ATP6V0A4: variants seen among roughly 807,000 people sequenced by gnomAD.
The protein encoded by ATP6V0A4 is V-type proton ATPase 116 kDa subunit a 4.
ATP6V0A4 carries 86 observed loss-of-function variants against 107.3 expected under a neutral mutation model. The observed-to-expected ratio is 0.80, with a 90% CI of 0.67 to 0.96. The LOEUF (loss-of-function observed/expected upper bound fraction) is 0.96, where lower values mean the gene tolerates loss of function less well. Ranked by LOEUF, ATP6V0A4 falls within the 40% of genes least tolerant of loss-of-function variation. The probability of loss-of-function intolerance (pLI) is 0.00; values close to 1 mark genes in which losing one functional copy is unlikely to be tolerated. For missense variants in ATP6V0A4, 908 were observed against 1,045.6 expected (o/e 0.87, Z 1.81); for synonymous variants, 353 against 381.4 (o/e 0.93, Z 0.87).
At chr7:138,727,713 T>C (rs1804789481) in intron 18 of ATP6V0A4, among the ~76,000 whole-genome samples, 1 of 152,300 alleles carries the variant, frequency 6.6e-6, no homozygotes, top group East Asian at 1.9e-4. Flanking sequence ...ATTTAAAACA[T>C]ACACGGTCTC....
Position 138,777,627 on chromosome 7 carries a change from A to AT in ATP6V0A4, c.-17-6364_-17-6363insA, listed in dbSNP as rs1403926650. Among the ~76,000 whole-genome samples, 57 of 140,426 alleles carry AT rather than the reference A, an allele frequency of 4.1e-4. 1 individual carries two copies. Among genetic ancestry groups the AT allele is most frequent in the African/African-American group, 1.7e-3 (56 of 32,228 alleles). 92.1% of individuals were successfully genotyped at this position (140,426 alleles called of 152,430 possible). A position where few individuals can be genotyped will look rare whatever the true frequency, so the allele number is the denominator to read the frequency against. ...GGAAACTCCGTCTCAAAAAAAAAAAAAAAAATACACACACACACACACACA... is the reference window on the plus strand; with the variant it reads ...GGAAACTCCGTCTCAAAAAAAAAAAATAAAAATACACACACACACACACACA... On this transcript the variant is annotated intron_variant, in intron 2 of 21. Transcript: ENST00000310018.
intron 1 of ATP6V0A4, among the ~76,000 whole-genome samples, chr7:138,791,297 C>T (rs970564939): frequency 6.6e-6 from 1 of 151,952 alleles, no homozygotes; most frequent in Non-Finnish European, 1.5e-5. Flanking sequence ...CAGAGTAAAA[C>T]ACAGGAAAAC....
At chr7:138,712,866 C>G (rs932340098) in intron 20 of ATP6V0A4, among the ~76,000 whole-genome samples, 5 of 152,156 alleles carry the variant, frequency 3.3e-5, no homozygotes, top group Admixed American at 3.3e-4. Flanking sequence ...CCTCCAACTA[C>G]TGCTGGGGTT....
chr7:138,734,608 C>G (rs1420563008), intron 15 of ATP6V0A4, among the ~76,000 whole-genome samples: 3 of 151,758 alleles, frequency 2.0e-5, no homozygotes, highest in African/African-American at 7.3e-5. Context: ...GAAACCCTGT[C>G]TCTACACCAA....
chr7:138,752,747 T>C lies in ATP6V0A4; in HGVS notation c.907A>G (p.Lys303Glu). The C allele has an allele frequency of 1.2e-6, 2 of 1,614,194 alleles. No individual in the cohort carries two copies. Among genetic ancestry groups the C allele is most frequent in the Non-Finnish European group, 1.7e-6 (2 of 1,180,024 alleles). ...ATGTTCAGGATGTGGTAGACAGCTTTCATCTTCTGCACCTTGATGAGCCAG... is the reference window on the plus strand; with the variant it reads ...ATGTTCAGGATGTGGTAGACAGCTTCCATCTTCTGCACCTTGATGAGCCAG... Reference protein sequence around the residue: ...HSWLIKVQKMKAVYHILNMCN... With the variant: ...HSWLIKVQKMEAVYHILNMCN... The change falls in exon 11 of 22, where the codon AAA (lysine) becomes GAA (glutamate). Residue 303 changes from lysine (K) to glutamate (E), a missense_variant. Lys to Glu is a moderately conservative substitution (Grantham distance 56). Coordinates refer to ENST00000310018, the MANE Select transcript of ATP6V0A4 (RefSeq NM_020632.3).
At chr7:138,782,947 T>C (rs1458732137) in intron 2 of ATP6V0A4, among the ~76,000 whole-genome samples, 1 of 152,098 alleles carries the variant, frequency 6.6e-6, no homozygotes, top group Non-Finnish European at 1.5e-5. Flanking sequence ...TGGTAGCAGA[T>C]GCCTGTAATC....
intron 14 of ATP6V0A4, among the ~76,000 whole-genome samples, chr7:138,741,379 A>T (rs539207279): frequency 3.3e-5 from 5 of 152,020 alleles, no homozygotes; most frequent in African/African-American, 1.2e-4. Flanking sequence ...TAATGGCATG[A>T]CTCAGTGCAA....
At chr7:138,736,966 A>C (rs1805356887) in intron 15 of ATP6V0A4, among the ~76,000 whole-genome samples, 1 of 151,662 alleles carries the variant, frequency 6.6e-6, no homozygotes, top group Non-Finnish European at 1.5e-5. Context: ...AAAAGCAAAG[A>C]TTTAAACACA....
chr7:138,746,586 C>T (rs1805962643), intron 13 of ATP6V0A4, among the ~76,000 whole-genome samples: 1 of 152,052 alleles, frequency 6.6e-6, no homozygotes, highest in Non-Finnish European at 1.5e-5. Flanking sequence ...TCACTGCAAC[C>T]TCCACCTCCC....
At position 138,784,322 on chromosome 7, in the gene ATP6V0A4, AT is replaced by A. The variant is rs71169059; in HGVS notation, c.-18+1835del. On this transcript the variant is annotated intron_variant, in intron 2 of 21. Transcript: ENST00000310018. ...CACACACACACATATATATATATGT[AT>A]TTTTTTTTTTTTTGAGATGGAGTCT... 5.3e-3 allele frequency among the ~76,000 whole-genome samples: 649 copies of A among 122,230 alleles called. 1 individual carries two copies. Among genetic ancestry groups the A allele is most frequent in the Middle Eastern group, 0.05 (12 of 242 alleles). The allele number at this position is 122,230 out of a possible 152,430, so 80.2% of individuals were successfully genotyped here.
At position 138,758,366 on chromosome 7, in the gene ATP6V0A4, G is replaced by A. The variant is rs565554487; in HGVS notation, c.639+1386C>T. Among the ~76,000 whole-genome samples, 39 of 152,176 alleles carry A rather than the reference G, an allele frequency of 2.6e-4. No individual in the cohort carries two copies. In the Middle Eastern group the frequency reaches 0.014, roughly 53 times the overall value. On this transcript the variant is annotated intron_variant, in intron 8 of 21. Transcript: ENST00000310018. ...CAAATGAAGACATTAGAGTGATGGG[G>A]TTTCTCATTTTTTTCATAATCTTTC...
intron 17 of ATP6V0A4, 135 bp downstream of exon 17, chr7:138,732,742 C>T: frequency 1.0e-6 from 1 of 993,944 alleles, no homozygotes; most frequent in Non-Finnish European, 1.5e-6. Context: ...TGCAGTGAGT[C>T]AAGATCACGC....
At chr7:138,762,285 T>C in intron 7 of ATP6V0A4, 55 bp downstream of exon 7, 6 of 1,588,456 alleles carry the variant, frequency 3.8e-6, no homozygotes, top group Non-Finnish European at 5.2e-6. Flanking sequence ...ATTCACTCAC[T>C]CAGAAATCAC....
chr7:138,775,470 G>A (rs1584944663), intron 2 of ATP6V0A4, among the ~76,000 whole-genome samples: 1 of 151,880 alleles, frequency 6.6e-6, no homozygotes, highest in Non-Finnish European at 1.5e-5. Flanking sequence ...TTCCTAGATT[G>A]TCTGTGATTT....
At chr7:138,787,954 T>C (rs7785281) in intron 1 of ATP6V0A4, among the ~76,000 whole-genome samples, 84,980 of 151,892 alleles carry the variant, frequency 0.56, 24,035 homozygotes, top group Admixed American at 0.61. Flanking sequence ...GAGTTGTGAT[T>C]GCACCACTGC....
chr7:138,784,034 A>C (rs985904565), intron 2 of ATP6V0A4, among the ~76,000 whole-genome samples: 1 of 151,770 alleles, frequency 6.6e-6, no homozygotes, highest in Non-Finnish European at 1.5e-5. Flanking sequence ...TAGCCCCCAA[A>C]AGGGTGCCCA....
At chr7:138,739,715 G>A in intron 14 of ATP6V0A4, 82 bp from the exon 15 acceptor site, 17 of 1,568,902 alleles carry the variant, frequency 1.1e-5, no homozygotes, top group Non-Finnish European at 1.5e-5. Context: ...TCACGAACTT[G>A]CCCATCAAAG....
intron 17 of ATP6V0A4, among the ~76,000 whole-genome samples, chr7:138,732,221 T>C (rs763921659): frequency 1.3e-5 from 2 of 152,214 alleles, no homozygotes; most frequent in Non-Finnish European, 2.9e-5. Flanking sequence ...TTATTAAGTA[T>C]TAAGGTGCCA....
At chr7:138,756,829 TA>T (rs1806537766) in intron 8 of ATP6V0A4, among the ~76,000 whole-genome samples, 1 of 152,164 alleles carries the variant, frequency 6.6e-6, no homozygotes, top group African/African-American at 2.4e-5. Context: ...ATTTAAGAGA[TA>T]TGATAATAAA....
Sources: allele counts gnomAD v4.1 joint callset (sites outside exome capture counted in the v4.1 genomes callset), GRCh38; gene constraint gnomAD v4.1.1; transcripts MANE v1.5; gene names NCBI Gene and HGNC (gene_info 2026-07-23, HGNC 2026-07-21).